Variants in TSPAN19 observed in about 807,000 individuals in gnomAD.
TSPAN19 encodes the protein tetraspanin-19.
A neutral mutation model predicts 35.1 loss-of-function variants in TSPAN19; 44 were observed. The observed-to-expected ratio is 1.25, with a 90% CI of 0.98 to 1.61. The LOEUF is 1.61. TSPAN19 is among the 40% of genes most tolerant of loss of function. TSPAN19 has a pLI of 0.00. For missense variants in TSPAN19, 290 were observed against 280.0 expected (o/e 1.04, Z -0.26); for synonymous variants, 79 against 92.0 (o/e 0.86, Z 0.81).
intron 1 of TSPAN19, among the ~76,000 whole-genome samples, chr12:85,035,905 G>T (rs1312747739): frequency 3.3e-5 from 5 of 152,052 alleles, no homozygotes; most frequent in Non-Finnish European, 7.4e-5. Context: ...ATTGATTGAT[G>T]ATTTTTTTCT....
Position 85,029,914 on chromosome 12 carries a change from C to A in TSPAN19, c.33G>T (p.Lys11Asn), listed in dbSNP as rs774796466. Residue 11 changes from lysine (K) to asparagine (N), a missense_variant, in exon 2 of 9, where the codon AAG (lysine) becomes AAT (asparagine). Lys to Asn is a moderately conservative substitution (Grantham distance 94). Transcript: ENST00000532498. ...CTCCATTAATGAGATTAAGAAAGTACTTAATAATTATTGTTTTGTTATTTC... is the reference window on the plus strand; with the variant it reads ...CTCCATTAATGAGATTAAGAAAGTAATTAATAATTATTGTTTTGTTATTTC... MLRNNKTIIIKYFLNLINGAF... is the reference protein window; with the variant it reads MLRNNKTIIINYFLNLINGAF... 3.4e-6 allele frequency: 5 copies of A among 1,465,006 alleles called. No homozygotes were observed. The South Asian group carries it at 5.2e-5, about 15-fold the overall frequency. 90.8% of individuals were successfully genotyped at this position (1,465,006 alleles called of 1,614,324 possible). A position where few individuals can be genotyped will look rare whatever the true frequency, so the allele number is the denominator to read the frequency against.
chr12:85,036,060 C>T (rs1189362128), intron 1 of TSPAN19, 144 bp downstream of exon 1: 2 of 151,980 alleles, frequency 1.3e-5, no homozygotes, highest in East Asian at 1.9e-4. Flanking sequence ...TATACATGGG[C>T]AAATCACCAG....
intron 1 of TSPAN19, among the ~76,000 whole-genome samples, chr12:85,031,278 A>C (rs1012224600): frequency 8.6e-5 from 13 of 152,022 alleles, no homozygotes; most frequent in Admixed American, 3.9e-4. Flanking sequence ...TTTTGATGGG[A>C]CGCTCAGTTG....
chr12:85,021,238 C>A (rs535167076), intron 5 of TSPAN19, among the ~76,000 whole-genome samples: 1 of 152,016 alleles, frequency 6.6e-6, no homozygotes, highest in South Asian at 2.1e-4. Flanking sequence ...TAAATATAAT[C>A]ATTTGAATAC....
In TSPAN19 at chr12:85,014,568, G is replaced by A. The variant is rs368762031; in HGVS notation, c.679-13C>T. On this transcript the variant is annotated splice_polypyrimidine_tract_variant and intron_variant, in intron 8 of 8. Coordinates refer to ENST00000532498, the MANE Select transcript of TSPAN19 (RefSeq NM_001100917.2). ...AGACTTGGAAAACCTGGAAGAAAAG[G>A]GAACAATAAGAGATTAAAATTTAAT... The A allele has an allele frequency of 8.7e-5, 136 of 1,566,990 alleles. 1 individual carries two copies. The East Asian group carries it at 1.4e-3, about 16-fold the overall frequency.
At position 85,036,220 on chromosome 12, in the gene TSPAN19, G is replaced by C. The variant is rs1260219441; in HGVS notation, c.-44C>G. The C allele has an allele frequency of 6.6e-6, 1 of 152,182 alleles. No individual in the cohort carries two copies. The highest frequency in any genetic ancestry group is 1.9e-4 in the East Asian group (1 of 5,200). 9.4% of individuals were successfully genotyped at this position (152,182 alleles called of 1,614,324 possible). A position where few individuals can be genotyped will look rare whatever the true frequency, so the allele number is the denominator to read the frequency against. On this transcript the variant is annotated 5_prime_UTR_variant, in exon 1 of 9. Coordinates refer to ENST00000532498, the MANE Select transcript of TSPAN19 (RefSeq NM_001100917.2). ...AAAATCTACCTGTAAAAAACCGTAA[G>C]CTCCTCATCCAGTCCCTGAAATGCT...
chr12:85,024,303 G>A (rs553535250), intron 4 of TSPAN19, among the ~76,000 whole-genome samples: 7 of 152,254 alleles, frequency 4.6e-5, no homozygotes, highest in African/African-American at 1.7e-4. Flanking sequence ...AGCAGGAGAT[G>A]ACTGAAGACA....
chr12:85,022,224 C>G (rs991622087), intron 5 of TSPAN19, among the ~76,000 whole-genome samples: 1 of 151,922 alleles, frequency 6.6e-6, no homozygotes, highest in African/African-American at 2.4e-5. Flanking sequence ...CACAAACACA[C>G]GCACACACAC....
intron 7 of TSPAN19, 64 bp downstream of exon 7, chr12:85,017,392 T>C (rs1876871511): frequency 1.4e-6 from 2 of 1,453,282 alleles, no homozygotes; most frequent in African/African-American, 1.4e-5. Flanking sequence ...GAATTCTAAA[T>C]TGACTTGCAA....
intron 6 of TSPAN19, among the ~76,000 whole-genome samples, chr12:85,018,917 T>C (rs536725970): frequency 6.6e-6 from 1 of 151,956 alleles, no homozygotes; most frequent in African/African-American, 2.4e-5. Context: ...ACTATGTAAA[T>C]GTTTGGTATT....
At chr12:85,024,914 A>C in intron 4 of TSPAN19, 1 of 152,126 alleles carries the variant, frequency 6.6e-6, no homozygotes, top group East Asian at 1.9e-4. Flanking sequence ...GATAAAAATT[A>C]TTTAATTACA....
At chr12:85,014,838 A>C in intron 8 of TSPAN19, 1 of 226,490 alleles carries the variant, frequency 4.4e-6, no homozygotes, top group Non-Finnish European at 8.5e-6. Context: ...TGCCTGGACA[A>C]ACTGCTGATG....
intron 6 of TSPAN19, among the ~76,000 whole-genome samples, chr12:85,018,198 G>T (rs1876921204): frequency 6.6e-6 from 1 of 151,830 alleles, no homozygotes; most frequent in African/African-American, 2.4e-5. Flanking sequence ...AGAGTTAGGA[G>T]GATATGAAAG....
chr12:85,030,362 C>T (rs1300232337), intron 1 of TSPAN19, among the ~76,000 whole-genome samples: 1 of 152,076 alleles, frequency 6.6e-6, no homozygotes, highest in East Asian at 1.9e-4. Flanking sequence ...TAGCCAGGAA[C>T]ATTTCCAGTC....
intron 4 of TSPAN19, among the ~76,000 whole-genome samples, chr12:85,027,604 C>G (rs1378396730): frequency 6.6e-6 from 1 of 151,922 alleles, no homozygotes; most frequent in Non-Finnish European, 1.5e-5. Flanking sequence ...CCTTCAGATT[C>G]TTAAGTTTGG....
rs1413597338 is a variant in TSPAN19 at position 85,014,431 on chromosome 12, T to C, written c.*56A>G. 1.6e-5 allele frequency: 20 copies of C among 1,268,584 alleles called. No individual in the cohort carries two copies. The highest frequency in any genetic ancestry group is 2.0e-5 in the Non-Finnish European group (18 of 893,442). 78.6% of individuals were successfully genotyped at this position (1,268,584 alleles called of 1,614,324 possible). A position where few individuals can be genotyped will look rare whatever the true frequency, so the allele number is the denominator to read the frequency against. Reference sequence around the variant, plus strand: ...AAAACGTTTTTGGAATAAAATAATATAATGTGATTTTTTAAGAATTAACTG... The same window carrying C: ...AAAACGTTTTTGGAATAAAATAATACAATGTGATTTTTTAAGAATTAACTG... On this transcript the variant is annotated 3_prime_UTR_variant, in exon 9 of 9. Transcript: ENST00000532498.
chr12:85,015,543 C>T (rs7957769), intron 8 of TSPAN19: 56,342 of 109,636 alleles, frequency 0.51, 10,689 homozygotes, highest in African/African-American at 0.57. Flanking sequence ...TGAACATATA[C>T]ACACACACAC....
At chr12:85,027,387 C>T (rs1264085382) in intron 4 of TSPAN19, among the ~76,000 whole-genome samples, 1 of 152,048 alleles carries the variant, frequency 6.6e-6, no homozygotes, top group Non-Finnish European at 1.5e-5. Flanking sequence ...ACCTCAGCAT[C>T]GTGCAATATA....
rs201222177 is a variant in TSPAN19, at chr12:85,029,898, T to A, written c.49A>T (p.Ile17Phe). The A allele has an allele frequency of 1.5e-5, 22 of 1,484,488 alleles. No individual in the cohort carries two copies. The highest frequency in any genetic ancestry group is 1.9e-5 in the Non-Finnish European group (21 of 1,094,638). The allele number at this position is 1,484,488 out of a possible 1,614,324, so 92.0% of individuals were successfully genotyped here. Residue 17 changes from isoleucine to phenylalanine, a missense_variant, in exon 2 of 9, where the codon ATT becomes TTT. By Grantham distance (21) the Ile-to-Phe change is conservative (BLOSUM62 0). Transcript: ENST00000532498. The part of the protein sequence containing the change: ...TIIIKYFLNL[I>F]NGAFLVLGLL... ...ATTCTTACCAAGAAAGCTCCATTAA[T>A]GAGATTAAGAAAGTACTTAATAATT... is the stretch of plus-strand genomic sequence containing the variant.
Sources: allele counts gnomAD v4.1 joint callset (sites outside exome capture counted in the v4.1 genomes callset), GRCh38; gene constraint gnomAD v4.1.1; transcripts MANE v1.5; gene names NCBI Gene and HGNC (gene_info 2026-07-23, HGNC 2026-07-21).